The following UACA variants were observed in gnomAD, a reference collection of about 807,000 sequenced individuals.
UACA encodes uveal autoantigen with coiled-coil domains and ankyrin repeats.
UACA carries 112 observed loss-of-function variants against 160.5 expected under a neutral mutation model. The ratio of observed to expected loss-of-function variants is 0.70; its 90% confidence interval spans 0.60 to 0.82. The LOEUF is 0.82. UACA is among the 40% of genes least tolerant of loss of function. UACA has a pLI of 0.00. For synonymous variants in UACA, 557 were observed against 568.4 expected (o/e 0.98, Z 0.29); for missense variants, 1,574 against 1,614.6 (o/e 0.97, Z 0.43).
chr15:70,713,324 G>T (rs1001449386), intron 1 of UACA, among the ~76,000 whole-genome samples: 1 of 152,170 alleles, frequency 6.6e-6, no homozygotes, highest in Non-Finnish European at 1.5e-5. Context: ...CTCCAGCCTG[G>T]GCGACAGAGC....
chr15:70,657,261 T>C (rs1896507362), intron 18 of UACA, 134 bp from the exon 19 acceptor site: 1 of 718,276 alleles, frequency 1.4e-6, no homozygotes, highest in South Asian at 1.7e-5. Flanking sequence ...TTGTGATTTC[T>C]AAAGGAATTA....
chr15:70,763,322 G>A lies in UACA; in HGVS notation c.78+8C>T. ...GGAGCGCCTCGCAGCCCGGACCGCGGGACTCACCGCGCTGGCGGCGGCGGC... is the reference window on the plus strand; with the variant it reads ...GGAGCGCCTCGCAGCCCGGACCGCGAGACTCACCGCGCTGGCGGCGGCGGC... On this transcript the variant is annotated splice_region_variant and intron_variant, in intron 1 of 18. Transcript: ENST00000322954. 1 of 1,334,026 alleles carries A rather than the reference G, an allele frequency of 7.5e-7. No individual in the cohort carries two copies. The highest frequency in any genetic ancestry group is 9.6e-7 in the Non-Finnish European group (1 of 1,036,976). The allele number at this position is 1,334,026 out of a possible 1,614,324, so 82.6% of individuals were successfully genotyped here.
chr15:70,728,503 C>T (rs955286390), intron 1 of UACA, among the ~76,000 whole-genome samples: 35 of 148,104 alleles, frequency 2.4e-4, no homozygotes, highest in African/African-American at 1.3e-4. Flanking sequence ...GCGGAGGTTG[C>T]GGTGAGCCGA....
chr15:70,679,402 C>CTAAA (rs57970349), intron 10 of UACA, among the ~76,000 whole-genome samples: 14,072 of 133,948 alleles, frequency 0.11, 1,004 homozygotes, highest in African/African-American at 0.2. Context: ...GACCCCATCT[C>CTAAA]TAAATAAATA....
intron 1 of UACA, among the ~76,000 whole-genome samples, chr15:70,708,650 TA>T: frequency 6.6e-6 from 1 of 152,210 alleles, no homozygotes; most frequent in African/African-American, 2.4e-5. Context: ...TTTGTATTTT[TA>T]GTAGAGACAG....
intron 17 of UACA, chr15:70,661,759 G>A (rs1259803187): frequency 1.3e-5 from 2 of 152,080 alleles, no homozygotes; most frequent in East Asian, 1.9e-4. Flanking sequence ...GACCCCATTG[G>A]AGACAAGCCT....
intron 1 of UACA, among the ~76,000 whole-genome samples, chr15:70,708,630 G>A (rs1029068112): frequency 1.3e-5 from 2 of 151,818 alleles, no homozygotes; most frequent in African/African-American, 2.4e-5. Flanking sequence ...ACCCACACCC[G>A]GCTAATTTTT....
Position 70,671,064 on chromosome 15 carries a change from C to T in UACA, c.1196G>A (p.Gly399Asp), listed in dbSNP as rs1897122454. ...CTGTGAGTCTGCCATATACATCTGA[C>T]CTTGTTTAAGAAGCATATCTTCTTT... Reference protein sequence around the residue: ...NRKEDMLLKQGQMYMADSQCT... With the variant: ...NRKEDMLLKQDQMYMADSQCT... The change falls in exon 15 of 19, where the codon GGT becomes GAT. Residue 399 changes from glycine (G) to aspartate (D), a missense_variant. By Grantham distance (94) the Gly-to-Asp change is moderately conservative (BLOSUM62 -1). Transcript: ENST00000322954. 6.3e-7 allele frequency: 1 copy of T among 1,590,190 alleles called. No individual in the cohort carries two copies. The highest frequency in any genetic ancestry group is 8.6e-7 in the Non-Finnish European group (1 of 1,167,920).
At chr15:70,760,738 C>T (rs1224900137) in intron 1 of UACA, among the ~76,000 whole-genome samples, 2 of 147,802 alleles carry the variant, frequency 1.4e-5, no homozygotes, top group Non-Finnish European at 1.5e-5. Flanking sequence ...ACCTGGGAGG[C>T]GGAGGTTGCA....
At chr15:70,691,975 C>A (rs1391992545) in intron 3 of UACA, among the ~76,000 whole-genome samples, 1 of 152,110 alleles carries the variant, frequency 6.6e-6, no homozygotes, top group African/African-American at 2.4e-5. Context: ...ACCAGGTAAT[C>A]TGAAAGGTTA....
In UACA at chr15:70,717,210, A is replaced by G. The variant is rs561184995; in HGVS notation, c.79-17550T>C. On this transcript the variant is annotated intron_variant, in intron 1 of 18. Transcript: ENST00000322954. ...CACTCCAACCTGAGCAACAAGAGCA[A>G]AACTCTGTCTAAAAAACAAACAAAC... Among the ~76,000 whole-genome samples, 4 of 152,322 alleles carry G rather than the reference A, an allele frequency of 2.6e-5. No individual in the cohort carries two copies. The South Asian group carries it at 8.3e-4, about 32-fold the overall frequency.
At chr15:70,741,036 AAAAATAAAAATAAAAT>A (rs1205391852) in intron 1 of UACA, among the ~76,000 whole-genome samples, 15 of 152,064 alleles carry the variant, frequency 9.9e-5, no homozygotes, top group African/African-American at 3.1e-4. Flanking sequence ...TCAAAAAAAT[AAAAATAAAAATAAAAT>A]AAAATAAAAA....
At chr15:70,671,334 T>G (rs1430317520) in intron 14 of UACA, 9 of 289,382 alleles carry the variant, frequency 3.1e-5, no homozygotes, top group Middle Eastern at 1.0e-3. Context: ...TTCTATGCTC[T>G]CTCTCAGCAG....
chr15:70,737,283 C>T (rs1044385241), intron 1 of UACA, among the ~76,000 whole-genome samples: 2 of 152,126 alleles, frequency 1.3e-5, no homozygotes, highest in South Asian at 2.1e-4. Flanking sequence ...CAACTTCATC[C>T]GTAGTATTAT....
At position 70,714,922 on chromosome 15, in the gene UACA, C is replaced by A. The variant is rs550844162; in HGVS notation, c.79-15262G>T. On this transcript the variant is annotated intron_variant, in intron 1 of 18. Coordinates refer to ENST00000322954, the MANE Select transcript of UACA (RefSeq NM_018003.4). ...GTACTGTAATATTACTTATTTTACC[C>A]TTCCTCAAGAGGAGATGCATTAAAT... Among the ~76,000 whole-genome samples, 4 of 152,282 alleles carry A rather than the reference C, an allele frequency of 2.6e-5. No individual in the cohort carries two copies. The South Asian group carries it at 8.3e-4, about 32-fold the overall frequency.
intron 1 of UACA, chr15:70,758,632 TA>T (rs1346968036): frequency 1.3e-5 from 2 of 152,204 alleles, no homozygotes; most frequent in African/African-American, 4.8e-5. Flanking sequence ...AAACTAATGT[TA>T]TTAGTGGAAA....
intron 17 of UACA, among the ~76,000 whole-genome samples, chr15:70,661,994 T>C (rs991252429): frequency 3.3e-5 from 5 of 152,112 alleles, no homozygotes; most frequent in African/African-American, 1.2e-4. Context: ...CAACATAGTA[T>C]TGGAAGTTCT....
chr15:70,678,002 T>C, intron 11 of UACA, 97 bp downstream of exon 11: 1 of 860,578 alleles, frequency 1.2e-6, no homozygotes, highest in South Asian at 1.8e-5. Context: ...TCCTCTGAAG[T>C]GCAATGAGCT....
At chr15:70,749,698 C>CAAAAAAAAAAAAA (rs11292883) in intron 1 of UACA, among the ~76,000 whole-genome samples, 3 of 70,056 alleles carry the variant, frequency 4.3e-5, no homozygotes, top group African/African-American at 1.6e-4. Context: ...GACTCCGTCT[C>CAAAAAAAAAAAAA]AAAAAAAAAA....
Sources: gnomAD v4.1 joint callset for allele counts (sites outside exome capture counted in the v4.1 genomes callset) on GRCh38, gnomAD v4.1.1 for gene constraint, MANE v1.5 for transcripts, NCBI Gene and HGNC (gene_info 2026-07-23, HGNC 2026-07-21) for gene names.